The following INTS9 variants were observed in gnomAD, a reference collection of about 807,000 sequenced individuals.
INTS9 encodes protein related to CPSF subunits of 74 kDa.
A neutral mutation model predicts 79.7 loss-of-function variants in INTS9; 55 were observed. The ratio of observed to expected loss-of-function variants is 0.69; its 90% CI spans 0.56 to 0.86. The LOEUF (loss-of-function observed/expected upper bound fraction) is 0.86, where lower values mean the gene tolerates loss of function less well. Ranked by LOEUF, INTS9 falls within the 40% of genes least tolerant of loss-of-function variation. INTS9 has a pLI of 0.00. For missense variants in INTS9, 721 were observed against 831.5 expected (o/e 0.87, Z 1.64); for synonymous variants, 319 against 325.2 (o/e 0.98, Z 0.20).
intron 8 of INTS9, among the ~76,000 whole-genome samples, chr8:28,801,136 G>T (rs1017538419): frequency 1.3e-5 from 2 of 152,106 alleles, no homozygotes; most frequent in African/African-American, 4.8e-5. Context: ...AAATTCAGGG[G>T]GAAGAAATCA....
intron 6 of INTS9, among the ~76,000 whole-genome samples, chr8:28,832,471 C>T (rs928337739): frequency 3.3e-5 from 5 of 152,190 alleles, no homozygotes; most frequent in African/African-American, 1.2e-4. Context: ...TCCCCTGACA[C>T]AAGAAGCGGC....
intron 3 of INTS9, among the ~76,000 whole-genome samples, chr8:28,848,165 T>C (rs1025896175): frequency 1.3e-5 from 2 of 152,244 alleles, no homozygotes; most frequent in Non-Finnish European, 2.9e-5. Context: ...AAGCTACCTA[T>C]GACTTTACAC....
At chr8:28,815,283 A>G (rs1232079568) in intron 6 of INTS9, among the ~76,000 whole-genome samples, 1 of 152,222 alleles carries the variant, frequency 6.6e-6, no homozygotes, top group Non-Finnish European at 1.5e-5. Flanking sequence ...ACAATACACC[A>G]GAATTTCAAA....
chr8:28,873,851 C>T (rs1216806165), intron 1 of INTS9, among the ~76,000 whole-genome samples: 1 of 152,186 alleles, frequency 6.6e-6, no homozygotes. Context: ...ACTATCTCTT[C>T]CTCAACAGAG....
At chr8:28,822,331 C>G (rs1805880327) in intron 6 of INTS9, among the ~76,000 whole-genome samples, 1 of 151,944 alleles carries the variant, frequency 6.6e-6, no homozygotes, top group Non-Finnish European at 1.5e-5. Flanking sequence ...AATCAAAATT[C>G]TTCATTTTCT....
chr8:28,843,479 G>T (rs1807315749), intron 4 of INTS9, among the ~76,000 whole-genome samples: 1 of 152,148 alleles, frequency 6.6e-6, no homozygotes, highest in Admixed American at 6.5e-5. Flanking sequence ...GGAGGAAGCT[G>T]CTTTTCCTGT....
At chr8:28,768,381 A>G (rs1366190349) in intron 16 of INTS9, 59 bp from the exon 17 acceptor site, 2 of 1,492,842 alleles carry the variant, frequency 1.3e-6, no homozygotes, top group East Asian at 4.5e-5. Context: ...TGAGATCTGT[A>G]AATGACACTT....
chr8:28,804,937 C>A (rs1804724484), intron 8 of INTS9, among the ~76,000 whole-genome samples: 1 of 152,000 alleles, frequency 6.6e-6, no homozygotes. Flanking sequence ...AGATTTTTTC[C>A]AGGAGGCTTC....
intron 6 of INTS9, among the ~76,000 whole-genome samples, chr8:28,816,603 G>T (rs1361563010): frequency 6.7e-6 from 1 of 148,340 alleles, no homozygotes; most frequent in Non-Finnish European, 1.5e-5. Context: ...GAATAGTGCC[G>T]CAATAAACAT....
intron 6 of INTS9, among the ~76,000 whole-genome samples, chr8:28,822,552 C>T (rs1259604950): frequency 6.6e-6 from 1 of 152,136 alleles, no homozygotes; most frequent in Non-Finnish European, 1.5e-5. Flanking sequence ...GTTGCCACTC[C>T]TGTTCTAAAT....
chr8:28,769,237 T>C (rs1298499673), intron 16 of INTS9, among the ~76,000 whole-genome samples: 1 of 152,246 alleles, frequency 6.6e-6, no homozygotes, highest in African/African-American at 2.4e-5. Flanking sequence ...TCCTTCCTTG[T>C]AATGATTGTA....
At chr8:28,773,040 A>T (rs1428586855) in intron 14 of INTS9, among the ~76,000 whole-genome samples, 1 of 152,252 alleles carries the variant, frequency 6.6e-6, no homozygotes, top group African/African-American at 2.4e-5. Flanking sequence ...GGATGTTCAT[A>T]ATCTTTGACC....
At chr8:28,831,644 G>A (rs1241036344) in intron 6 of INTS9, among the ~76,000 whole-genome samples, 1 of 152,146 alleles carries the variant, frequency 6.6e-6, no homozygotes, top group Non-Finnish European at 1.5e-5. Flanking sequence ...CAAGAGAAAA[G>A]GTGAAATAAG....
In INTS9 at chr8:28,796,412, T is replaced by C. The variant is rs534681697; in HGVS notation, c.856+132A>G. 4.0e-4 allele frequency: 235 copies of C among 586,244 alleles called. 2 individuals are homozygous for C. The highest frequency in any genetic ancestry group is 3.9e-3 in the African/African-American group (212 of 53,972). 36.3% of individuals were successfully genotyped at this position (586,244 alleles called of 1,614,324 possible). ...TTCTGTGCTATTATTTGCAAAGATA[T>C]ACTGCCTCCCTCCTTTGACAACTGC... On this transcript the variant is annotated intron_variant, in intron 9 of 16. Coordinates refer to ENST00000521022, the MANE Select transcript of INTS9 (RefSeq NM_018250.4).
At chr8:28,820,590 G>A (rs1304655483) in intron 6 of INTS9, among the ~76,000 whole-genome samples, 2 of 152,090 alleles carry the variant, frequency 1.3e-5, no homozygotes, top group Admixed American at 6.5e-5. Flanking sequence ...TTGAACTTTG[G>A]TGAATCTGAC....
intron 6 of INTS9, among the ~76,000 whole-genome samples, chr8:28,833,672 G>C (rs914089316): frequency 1.4e-5 from 2 of 145,496 alleles, no homozygotes; most frequent in Admixed American, 1.4e-4. Flanking sequence ...AAAAGAAAAA[G>C]AAAAAGAAAA....
intron 8 of INTS9, 99 bp downstream of exon 8, chr8:28,812,228 T>C (rs1389518442): frequency 4.9e-6 from 6 of 1,220,840 alleles, no homozygotes; most frequent in Non-Finnish European, 7.0e-6. Flanking sequence ...GAAAACCATA[T>C]TTGGAAGATT....
intron 13 of INTS9, among the ~76,000 whole-genome samples, chr8:28,776,833 A>G (rs1324293554): frequency 6.6e-6 from 1 of 152,090 alleles, no homozygotes; most frequent in Non-Finnish European, 1.5e-5. Flanking sequence ...CACCTGACAG[A>G]GGGGCGTCAA....
chr8:28,813,537 G>GCATC lies in INTS9; in HGVS notation c.563_564insGATG (p.Asn188LysfsTer6). ...CCAGCTGGATTTTACTAAGGGCAGA[G>GCATC]TTCACCTCTTGCATTGTATAGCATC... On this transcript the variant is annotated frameshift_variant, in exon 7 of 17. Transcript: ENST00000521022. LOFTEE classifies it high-confidence loss of function. 1 of 1,613,508 alleles carries GCATC rather than the reference G, an allele frequency of 6.2e-7. No individual in the cohort carries two copies. Among genetic ancestry groups the GCATC allele is most frequent in the Non-Finnish European group, 8.5e-7 (1 of 1,179,472 alleles).
Sources: gnomAD v4.1 joint callset for allele counts (sites outside exome capture counted in the v4.1 genomes callset) on GRCh38, gnomAD v4.1.1 for gene constraint, MANE v1.5 for transcripts, NCBI Gene and HGNC (gene_info 2026-07-23, HGNC 2026-07-21) for gene names.